Variants in ZNF69 observed in about 807,000 individuals in gnomAD.
ZNF69 encodes the protein zinc finger protein 69.
ZNF69 carries 47 observed loss-of-function variants against 50.9 expected under a neutral mutation model. The ratio of observed to expected loss-of-function variants is 0.92; its 90% CI spans 0.73 to 1.18. ZNF69 has a LOEUF of 1.18. Ranked by LOEUF, ZNF69 falls within the 50% of genes most tolerant of loss-of-function variation. The pLI is 0.00. For missense variants in ZNF69, 717 were observed against 675.1 expected, an observed-to-expected ratio of 1.06 and a Z score of -0.69; for synonymous variants, 216 against 223.1, an observed-to-expected ratio of 0.97 and a Z score of 0.29.
chr19:11,962,153 C>T, the ZNF69 span, among the ~76,000 whole-genome samples: 1 of 152,022 alleles, frequency 6.6e-6, no homozygotes, highest in Non-Finnish European at 1.5e-5. Context: ...CGTGGTGGCT[C>T]ACACCTGTAA....
intron 1 of ZNF69, among the ~76,000 whole-genome samples, chr19:11,898,622 C>T (rs1391572026): frequency 1.3e-5 from 2 of 152,112 alleles, no homozygotes; most frequent in African/African-American, 2.4e-5. Flanking sequence ...AACTCCTGAC[C>T]TCATAATTCA....
At chr19:11,896,203 G>C (rs62113965) in intron 1 of ZNF69, among the ~76,000 whole-genome samples, 25,500 of 132,114 alleles carry the variant, frequency 0.19, 3,153 homozygotes, top group Non-Finnish European at 0.27. Context: ...TTGGCAACAA[G>C]GGCGAAACTC....
the ZNF69 span, among the ~76,000 whole-genome samples, chr19:11,940,315 G>A: frequency 1.3e-5 from 2 of 152,170 alleles, no homozygotes; most frequent in East Asian, 3.9e-4. Flanking sequence ...CTTCAAAAAT[G>A]AAGCCGTGGA....
At chr19:11,972,622 A>G in the ZNF69 span, among the ~76,000 whole-genome samples, 1 of 152,190 alleles carries the variant, frequency 6.6e-6, no homozygotes, top group African/African-American at 2.4e-5. Flanking sequence ...CCAATGTGTG[A>G]TATTTTATAT....
the ZNF69 span, among the ~76,000 whole-genome samples, chr19:11,963,252 G>C: frequency 6.6e-6 from 1 of 152,064 alleles, no homozygotes; most frequent in Non-Finnish European, 1.5e-5. Context: ...ACCTCTCCAG[G>C]CTAATTCTAA....
the ZNF69 span, among the ~76,000 whole-genome samples, chr19:11,973,399 T>C: frequency 1.3e-5 from 2 of 152,172 alleles, no homozygotes; most frequent in Admixed American, 1.3e-4. Context: ...TTTTTATTTA[T>C]CTAAAAAAAT....
the ZNF69 span, among the ~76,000 whole-genome samples, chr19:11,929,138 C>T: frequency 3.4e-5 from 5 of 148,240 alleles, no homozygotes; most frequent in South Asian, 8.4e-4. Context: ...TAAAGATCTA[C>T]CAGCTTAAAT....
downstream of ZNF69, among the ~76,000 whole-genome samples, chr19:11,910,508 A>G (rs1183203676): frequency 6.6e-6 from 1 of 152,218 alleles, no homozygotes; most frequent in Non-Finnish European, 1.5e-5. Context: ...GCCCTCAGAA[A>G]TAATACCACA....
chr19:11,933,846 G>GAAA, the ZNF69 span, among the ~76,000 whole-genome samples: 2 of 106,620 alleles, frequency 1.9e-5, no homozygotes, highest in Non-Finnish European at 3.9e-5. Flanking sequence ...CTCCATCTCA[G>GAAA]AAAAAAAAAA....
the ZNF69 span, among the ~76,000 whole-genome samples, chr19:11,934,951 C>T: frequency 4.1e-5 from 6 of 147,106 alleles, no homozygotes; most frequent in Non-Finnish European, 7.4e-5. Flanking sequence ...GAGGCCAAGG[C>T]GGGTGGATCA....
At chr19:11,939,392 T>C in the ZNF69 span, among the ~76,000 whole-genome samples, 1 of 152,220 alleles carries the variant, frequency 6.6e-6, no homozygotes, top group Non-Finnish European at 1.5e-5. Flanking sequence ...CATCTTGAAT[T>C]AATTTTTGTA....
the ZNF69 span, among the ~76,000 whole-genome samples, chr19:11,940,897 A>G: frequency 1.3e-5 from 2 of 152,142 alleles, no homozygotes; most frequent in Admixed American, 6.5e-5. Flanking sequence ...CAGAATAGCT[A>G]GGTACAGAGT....
the ZNF69 span, among the ~76,000 whole-genome samples, chr19:11,928,627 G>A: frequency 1.4e-5 from 2 of 148,052 alleles, no homozygotes; most frequent in African/African-American, 2.6e-5. Flanking sequence ...AGCTACTTGG[G>A]AGGCTGAGGC....
the ZNF69 span, among the ~76,000 whole-genome samples, chr19:11,934,723 T>C: frequency 2.0e-5 from 3 of 147,504 alleles, no homozygotes; most frequent in East Asian, 2.0e-4. Context: ...GATGAGGTTT[T>C]ACCATGTTGG....
chr19:11,904,502 G>C, intron 3 of ZNF69, 147 bp from the exon 4 acceptor site: 1 of 1,179,560 alleles, frequency 8.5e-7, no homozygotes, highest in Non-Finnish European at 1.2e-6. Flanking sequence ...TGTACAATGG[G>C]TTGTCCAGTC....
At chr19:11,918,568 C>T (rs937079525), downstream of ZNF69, among the ~76,000 whole-genome samples, 1 of 152,144 alleles carries the variant, frequency 6.6e-6, no homozygotes, top group African/African-American at 2.4e-5. Context: ...ACTGCAGCAT[C>T]AAGCTCCTGG....
chr19:11,896,136 G>T (rs764924888), intron 1 of ZNF69, among the ~76,000 whole-genome samples: 2 of 146,586 alleles, frequency 1.4e-5, no homozygotes, highest in Admixed American at 1.4e-4. Context: ...GGAGAATCAC[G>T]AGAACCTGGG....
At chr19:11,906,958 A>G (rs1007513786), downstream of ZNF69, among the ~76,000 whole-genome samples, 4 of 152,210 alleles carry the variant, frequency 2.6e-5, no homozygotes, top group East Asian at 5.8e-4. Flanking sequence ...GCTAACTAGA[A>G]TAAACAGTGT....
chr19:11,938,099 C>CA, the ZNF69 span, among the ~76,000 whole-genome samples: 1 of 151,940 alleles, frequency 6.6e-6, no homozygotes, highest in Non-Finnish European at 1.5e-5. Context: ...GACGGAGTCT[C>CA]ACTCTGTCAT....
Sources: gnomAD v4.1 joint callset for allele counts (sites outside exome capture counted in the v4.1 genomes callset) on GRCh38, gnomAD v4.1.1 for gene constraint, MANE v1.5 for transcripts, NCBI Gene and HGNC (gene_info 2026-07-23, HGNC 2026-07-21) for gene names.